The following PIEZO2 variants were observed in gnomAD, a reference collection of about 807,000 sequenced individuals.
PIEZO2 encodes the protein piezo-type mechanosensitive ion channel component 2.
A neutral mutation model predicts 337.3 loss-of-function variants in PIEZO2; 172 were observed. The observed-to-expected ratio is 0.51, with a 90% CI of 0.45 to 0.58. The LOEUF (loss-of-function observed/expected upper bound fraction) is 0.58. Among genes scored for constraint, PIEZO2 ranks in the 20% least tolerant of loss-of-function variants. The probability of loss-of-function intolerance (pLI) is 0.00; values close to 1 mark genes in which losing one functional copy is unlikely to be tolerated. For missense variants in PIEZO2, 3,028 were observed against 3,391.3 expected, an observed-to-expected ratio of 0.89 and a Z score of 2.66; for synonymous variants, 1,251 against 1,228.5, an observed-to-expected ratio of 1.02 and a Z score of -0.38.
chr18:10,681,044 A>T (rs896696866), intron 51 of PIEZO2, among the ~76,000 whole-genome samples: 7 of 152,162 alleles, frequency 4.6e-5, no homozygotes, highest in Non-Finnish European at 7.3e-5. Flanking sequence ...CCTTTTTAAA[A>T]TTTATGTTTT....
rs142976997 is a variant in PIEZO2, at chr18:10,749,746, A to G, written c.4264+345T>C. 8.0e-3 allele frequency among the ~76,000 whole-genome samples: 1,221 copies of G among 152,322 alleles called. 8 individuals are homozygous for G. The highest frequency in any genetic ancestry group is 0.011 in the Non-Finnish European group (769 of 68,018). Reference sequence around the variant, plus strand: ...TCAGAGTTACTTGATGCCCCAAGACATTAAGTGGAGCAACAGCAGGTTTGA... The same window carrying G: ...TCAGAGTTACTTGATGCCCCAAGACGTTAAGTGGAGCAACAGCAGGTTTGA... On this transcript the variant is annotated intron_variant, in intron 29 of 55. Transcript: ENST00000674853.
chr18:10,906,826 G>A (rs1568186052), intron 4 of PIEZO2, among the ~76,000 whole-genome samples: 1 of 152,096 alleles, frequency 6.6e-6, no homozygotes, highest in Non-Finnish European at 1.5e-5. Flanking sequence ...CTCCCAAAGT[G>A]CTGGGATTAC....
intron 5 of PIEZO2, among the ~76,000 whole-genome samples, chr18:10,868,191 C>A (rs1316143646): frequency 6.6e-6 from 1 of 152,146 alleles, no homozygotes; most frequent in Non-Finnish European, 1.5e-5. Flanking sequence ...TCACAGGCAC[C>A]AGCAGATTAA....
chr18:10,801,326 C>T (rs1195607471), intron 10 of PIEZO2, 64 bp downstream of exon 10: 3 of 1,352,108 alleles, frequency 2.2e-6, no homozygotes, highest in Non-Finnish European at 3.0e-6. Context: ...AAAGGAGCTA[C>T]TTCCATTTGT....
At chr18:10,911,513 G>A (rs1349783262) in intron 3 of PIEZO2, among the ~76,000 whole-genome samples, 2 of 151,368 alleles carry the variant, frequency 1.3e-5, no homozygotes, top group African/African-American at 2.4e-5. Context: ...CCAGCACTCC[G>A]GGAGGCCAAG....
chr18:10,937,353 TG>T (rs1390263721), intron 3 of PIEZO2, among the ~76,000 whole-genome samples: 1 of 152,128 alleles, frequency 6.6e-6, no homozygotes, highest in Non-Finnish European at 1.5e-5. Context: ...TTTGGAGATA[TG>T]TTCTTTGGAG....
At position 10,697,659 on chromosome 18, in the gene PIEZO2, C is replaced by T. The variant is rs875956; in HGVS notation, c.6827+89G>A. On this transcript the variant is annotated intron_variant, in intron 45 of 55. Transcript: ENST00000674853. ...ATAACATTTGTGACACGAGAAGTTA[C>T]TTCTCTGCTCTGCTCCTGGTTTATA... is the stretch of plus-strand genomic sequence containing the variant. The T allele has an allele frequency of 0.049, 73,544 of 1,495,080 alleles. 5,237 individuals are homozygous for T. Among genetic ancestry groups the T allele is most frequent in the African/African-American group, 0.26 (18,387 of 70,896 alleles). 92.6% of individuals were successfully genotyped at this position (1,495,080 alleles called of 1,614,324 possible).
rs747938496 is a variant in PIEZO2, at chr18:10,680,281, G to A, written c.7870C>T (p.Pro2624Ser). 1.2e-6 allele frequency: 2 copies of A among 1,613,996 alleles called. No individual in the cohort carries two copies. Among genetic ancestry groups the A allele is most frequent in the Non-Finnish European group, 8.5e-7 (1 of 1,179,898 alleles). ...TGTATCATTTTCTGCTTACTGGGTG[G>A]GCTGATGGTCCACAAAGAATTTGAG... Reference protein sequence around the residue: ...GNSNSLWTISPPSKQKMIHEL... With the variant: ...GNSNSLWTISSPSKQKMIHEL... The change falls in exon 52 of 56, where the codon CCA becomes TCA. Residue 2624 changes from proline to serine, a missense_variant. Around this residue, in one of 5 missense-constraint regions of PIEZO2, gnomAD observed 332 missense variants for 363.8 expected, o/e 0.91. Coordinates refer to ENST00000674853, the MANE Select transcript of PIEZO2 (RefSeq NM_001378183.1).
intron 33 of PIEZO2, chr18:10,739,566 A>G (rs146694220): frequency 6.6e-5 from 10 of 152,326 alleles, no homozygotes; most frequent in Middle Eastern, 3.4e-3. Flanking sequence ...CTAAATTAGC[A>G]GAGGCCCTTT....
intron 14 of PIEZO2, among the ~76,000 whole-genome samples, 191 bp downstream of exon 14, chr18:10,791,010 G>A (rs550751892): frequency 1.3e-5 from 2 of 152,150 alleles, no homozygotes; most frequent in African/African-American, 4.8e-5. Flanking sequence ...GGCCCAACTG[G>A]CACATTTTTA....
intron 2 of PIEZO2, among the ~76,000 whole-genome samples, chr18:11,005,272 A>C (rs981102021): frequency 3.3e-5 from 5 of 152,244 alleles, no homozygotes; most frequent in African/African-American, 4.8e-5. Context: ...GTTATCCTGC[A>C]ATTCCTTTAG....
Position 10,854,401 on chromosome 18 carries a change from C to G in PIEZO2, c.917+952G>C, listed in dbSNP as rs937973697. Among the ~76,000 whole-genome samples the G allele has an allele frequency of 6.6e-6, 1 of 152,114 alleles. No homozygotes were observed. Among genetic ancestry groups the G allele is most frequent in the East Asian group, 1.9e-4 (1 of 5,194 alleles). ...CTACTTTGTCATTGTGCAACCACCA[C>G]GACCTTTATAGTAATTATTTCAGGT... On this transcript the variant is annotated intron_variant, in intron 7 of 55. Coordinates refer to ENST00000674853, the MANE Select transcript of PIEZO2 (RefSeq NM_001378183.1). The surrounding 1 kb of genome is among the most constrained non-coding windows in gnomAD (Gnocchi z 4.6).
chr18:11,015,499 T>G (rs1025950669), intron 2 of PIEZO2, among the ~76,000 whole-genome samples: 1 of 152,230 alleles, frequency 6.6e-6, no homozygotes, highest in Non-Finnish European at 1.5e-5. Flanking sequence ...TTTTGCCCTA[T>G]AAAATAATAT....
At chr18:10,970,372 C>G (rs568950163) in intron 3 of PIEZO2, among the ~76,000 whole-genome samples, 1 of 152,210 alleles carries the variant, frequency 6.6e-6, no homozygotes, top group Non-Finnish European at 1.5e-5. Context: ...TGCAGCTCTT[C>G]GCCCGTCTAG....
intron 3 of PIEZO2, among the ~76,000 whole-genome samples, chr18:10,933,772 G>A (rs2032221541): frequency 6.6e-6 from 1 of 152,022 alleles, no homozygotes. Context: ...CAAGGTCAGG[G>A]CCAGGTGGAG....
chr18:10,740,415 G>A (rs1164742815), intron 33 of PIEZO2: 1 of 152,658 alleles, frequency 6.6e-6, no homozygotes, highest in Non-Finnish European at 1.5e-5. Flanking sequence ...TTGGAATTTA[G>A]AGTGCCTTTT....
Position 11,110,745 on chromosome 18 carries a change from C to T in PIEZO2, c.64+37780G>A, listed in dbSNP as rs183687379. 5.1e-4 allele frequency among the ~76,000 whole-genome samples: 78 copies of T among 152,008 alleles called. 1 individual carries two copies. The highest frequency in any genetic ancestry group is 5.8e-4 in the East Asian group (3 of 5,156). Reference sequence around the variant, plus strand: ...GGTCTTGTGCTTCCTGCCTTGCCTCCGTCAAGCTGATGGCAGGCAGCTCTG... The same window carrying T: ...GGTCTTGTGCTTCCTGCCTTGCCTCTGTCAAGCTGATGGCAGGCAGCTCTG... On this transcript the variant is annotated intron_variant, in intron 1 of 55. Coordinates refer to ENST00000674853, the MANE Select transcript of PIEZO2 (RefSeq NM_001378183.1). This position sits in a 1 kb window ranked among gnomAD's most constrained non-coding sequence, Gnocchi z 4.2.
chr18:10,936,013 A>C (rs1415911891), intron 3 of PIEZO2, among the ~76,000 whole-genome samples: 1 of 152,210 alleles, frequency 6.6e-6, no homozygotes, highest in Non-Finnish European at 1.5e-5. Flanking sequence ...TCTTTTCTAC[A>C]CAGGGTCACA....
chr18:10,696,453 A>G lies in PIEZO2; in HGVS notation c.6914T>C (p.Leu2305Pro), dbSNP rs1252996509. ...EYSAVTDVYV[L>P]MFLADTVDFI... is the part of the protein sequence containing the mutation. The stretch of plus-strand genomic sequence containing the variant: ...GTCCACAGTGTCAGCCAGGAACATG[A>G]GTACATACACGTCAGTCACGGCGCT... The change falls in exon 46 of 56, where the codon CTC (leucine) becomes CCC (proline). Residue 2305 changes from leucine to proline, a missense_variant. Transcript: ENST00000674853. 3 of 1,614,250 alleles carry G rather than the reference A, an allele frequency of 1.9e-6. No homozygotes were observed. Among genetic ancestry groups the G allele is most frequent in the Non-Finnish European group, 2.5e-6 (3 of 1,180,044 alleles).
Sources: gnomAD v4.1 joint callset for allele counts (sites outside exome capture counted in the v4.1 genomes callset) on GRCh38, gnomAD v4.1.1 for gene constraint, gnomAD v4.1.1 regional missense constraint, Gnocchi (gnomAD v3.1) non-coding constraint, MANE v1.5 for transcripts, NCBI Gene and HGNC (gene_info 2026-07-23, HGNC 2026-07-21) for gene names.